PPP2R3B: variants seen among roughly 807,000 people sequenced by gnomAD.
PPP2R3B encodes the protein protein phosphatase 2 regulatory subunit B''beta.
In PPP2R3B, 68 loss-of-function variants were observed where a neutral mutation model predicts 72.9. The ratio of observed to expected loss-of-function variants is 0.93; its 90% CI spans 0.77 to 1.14. The LOEUF (loss-of-function observed/expected upper bound fraction) is 1.14. PPP2R3B is among the 50% of genes most tolerant of loss of function. The pLI, the probability that PPP2R3B is intolerant of heterozygous loss-of-function variation, is 0.00. For synonymous variants in PPP2R3B, 466 were observed against 375.8 expected (o/e 1.24, Z -2.78); for missense variants, 1,018 against 842.0 (o/e 1.21, Z -2.59).
chrX:381,766 T>C (rs112089994), intron 1 of PPP2R3B, among the ~76,000 whole-genome samples: 1,903 of 151,922 alleles, frequency 0.013, 42 homozygotes, highest in African/African-American at 0.044. Flanking sequence ...GCCCGGCTAA[T>C]TTTCTGTATC....
intron 2 of PPP2R3B, among the ~76,000 whole-genome samples, chrX:360,400 G>A (rs751478529): frequency 6.6e-6 from 1 of 152,288 alleles, no homozygotes; most frequent in African/African-American, 2.4e-5. Context: ...CAGGCATGGT[G>A]GTGCATGCCT....
chrX:357,508 TGTA>T (rs1371048950), intron 2 of PPP2R3B, among the ~76,000 whole-genome samples: 1 of 152,226 alleles, frequency 6.6e-6, no homozygotes, highest in Non-Finnish European at 1.5e-5. Flanking sequence ...TACGTTAGTG[TGTA>T]GCATGACGGA....
intron 2 of PPP2R3B, among the ~76,000 whole-genome samples, chrX:351,918 C>T (rs895523780): frequency 2.6e-5 from 4 of 152,110 alleles, no homozygotes; most frequent in Admixed American, 2.6e-4. Context: ...TGGTCTGGAA[C>T]CCTTGGCCGC....
At chrX:369,657 CA>C (rs1362942424) in intron 1 of PPP2R3B, among the ~76,000 whole-genome samples, 1 of 152,238 alleles carries the variant, frequency 6.6e-6, no homozygotes, top group Non-Finnish European at 1.5e-5. Context: ...CAGCCTCGGG[CA>C]GACCCCCGCA....
intron 1 of PPP2R3B, chrX:373,702 G>A: frequency 6.2e-6 from 1 of 161,738 alleles, no homozygotes. Context: ...CGGGCGCCGC[G>A]CTCTCGGGGC....
At chrX:349,083 C>G (rs761479381) in intron 2 of PPP2R3B, among the ~76,000 whole-genome samples, 1 of 152,288 alleles carries the variant, frequency 6.6e-6, no homozygotes, top group Non-Finnish European at 1.5e-5. Flanking sequence ...AGGAGGGACA[C>G]TCTTATTCTC....
chrX:345,069 TC>T (rs2071167989), intron 7 of PPP2R3B: 2 of 418,738 alleles, frequency 4.8e-6, no homozygotes, highest in Non-Finnish European at 4.7e-6. Flanking sequence ...CGGCACCGGC[TC>T]CCGCGGAGGT....
chrX:354,112 ACAG>A, intron 2 of PPP2R3B, among the ~76,000 whole-genome samples: 1 of 114,512 alleles, frequency 8.7e-6, no homozygotes, highest in Non-Finnish European at 1.7e-5. Context: ...TCGCCCAAAC[ACAG>A]GGGGCTCACC....
In PPP2R3B at chrX:334,187, G is replaced by A; in HGVS notation, c.*180C>T. On this transcript the variant is annotated 3_prime_UTR_variant, in exon 13 of 13. Transcript: ENST00000390665. ...CGGCCCTACGTGTCCCCCTGGCACA[G>A]AGCTCTGGGCAGGTCCAGCCACGAA... 4.5e-6 allele frequency: 3 copies of A among 662,446 alleles called. No homozygotes were observed. Among genetic ancestry groups the A allele is most frequent in the Non-Finnish European group, 4.5e-6 (2 of 445,306 alleles). The allele number at this position is 662,446 out of a possible 1,614,324, so 41.0% of individuals were successfully genotyped here. A position where few individuals can be genotyped will look rare whatever the true frequency, so the allele number is the denominator to read the frequency against.
At chrX:350,265 G>A (rs2071301294) in intron 2 of PPP2R3B, among the ~76,000 whole-genome samples, 1 of 152,210 alleles carries the variant, frequency 6.6e-6, no homozygotes, top group Non-Finnish European at 1.5e-5. Flanking sequence ...AGCCCGAAGG[G>A]TGAAAGGCCA....
At chrX:351,586 T>C (rs1228874268) in intron 2 of PPP2R3B, among the ~76,000 whole-genome samples, 1 of 146,694 alleles carries the variant, frequency 6.8e-6, no homozygotes, top group Non-Finnish European at 1.5e-5. Context: ...TTGCCCAGGC[T>C]GGAGTGCAGT....
At chrX:341,089 C>T (rs921335430) in intron 9 of PPP2R3B, 149 bp from the exon 10 acceptor site, 49 of 1,238,728 alleles carry the variant, frequency 4.0e-5, no homozygotes, top group African/African-American at 2.7e-4. Flanking sequence ...TGCCCCCTGC[C>T]GCCCCCACCG....
chrX:357,968 G>T (rs192175546), intron 2 of PPP2R3B, among the ~76,000 whole-genome samples: 1 of 152,138 alleles, frequency 6.6e-6, no homozygotes, highest in Non-Finnish European at 1.5e-5. Flanking sequence ...TAAGATCCAC[G>T]GGGGGACCCC....
At chrX:341,097 C>T (rs1444519669) in intron 9 of PPP2R3B, 157 bp from the exon 10 acceptor site, 15 of 701,700 alleles carry the variant, frequency 2.1e-5, no homozygotes, top group Non-Finnish European at 2.4e-5. Context: ...GCCGCCCCCA[C>T]CGGGCGCGCA....
chrX:380,983 G>A (rs887713652), intron 1 of PPP2R3B, among the ~76,000 whole-genome samples: 29 of 151,074 alleles, frequency 1.9e-4, no homozygotes, highest in African/African-American at 5.1e-4. Flanking sequence ...TTGCCCCGGC[G>A]GGAGTGCACT....
intron 1 of PPP2R3B, among the ~76,000 whole-genome samples, chrX:370,150 A>G (rs1173933504): frequency 2.0e-5 from 3 of 152,220 alleles, no homozygotes; most frequent in African/African-American, 7.2e-5. Flanking sequence ...GTGTTTACAC[A>G]GAGGAGCCGA....
chrX:361,381 C>T (rs760511293), intron 2 of PPP2R3B, 24 bp downstream of exon 2: 2 of 1,613,032 alleles, frequency 1.2e-6, no homozygotes, highest in Non-Finnish European at 1.7e-6. Context: ...CTCGGCTGCT[C>T]CACGTCCCAC....
rs1384444948 is a variant in PPP2R3B, at chrX:350,978, G to C, written c.511-3285C>G. Among the ~76,000 whole-genome samples, 4 of 152,182 alleles carry C rather than the reference G, an allele frequency of 2.6e-5. No homozygotes were observed. The East Asian group carries it at 7.7e-4, about 29-fold the overall frequency. On this transcript the variant is annotated intron_variant, in intron 2 of 12. Transcript: ENST00000390665. ...GACTGGAGGAATAAACTGTGGCAGA[G>C]TCGTCCTGACAGGTGCAGGGCGGGA...
intron 1 of PPP2R3B, among the ~76,000 whole-genome samples, chrX:379,757 A>C (rs1463877173): frequency 6.6e-6 from 1 of 152,260 alleles, no homozygotes; most frequent in African/African-American, 2.4e-5. Context: ...TTAAGGTATC[A>C]ATTATCCTAA....
Sources: gnomAD v4.1 joint callset for allele counts (sites outside exome capture counted in the v4.1 genomes callset) on GRCh38, gnomAD v4.1.1 for gene constraint, MANE v1.5 for transcripts, NCBI Gene and HGNC (gene_info 2026-07-23, HGNC 2026-07-21) for gene names.